The following SPOCK1 variants were observed in gnomAD, a reference collection of about 807,000 sequenced individuals.
The protein encoded by SPOCK1 is SPARC (osteonectin), cwcv and kazal like domains proteoglycan 1.
In SPOCK1, 23 loss-of-function variants were observed where a neutral mutation model predicts 55.3. The observed-to-expected ratio is 0.42, with a 90% CI of 0.30 to 0.59. The LOEUF is 0.59. SPOCK1 is among the 20% of genes least tolerant of loss of function. SPOCK1 has a pLI of 0.22. For missense variants in SPOCK1, 499 were observed against 552.5 expected (o/e 0.90, Z 0.97); for synonymous variants, 226 against 221.0 (o/e 1.02, Z -0.20).
intron 6 of SPOCK1, among the ~76,000 whole-genome samples, chr5:137,038,927 C>T (rs1751935664): frequency 6.6e-6 from 1 of 152,062 alleles, no homozygotes; most frequent in African/African-American, 2.4e-5. Context: ...TAGTAGGAAA[C>T]AAAAACGGTT....
chr5:137,157,731 C>G (rs1347732686), intron 3 of SPOCK1, among the ~76,000 whole-genome samples: 1 of 152,172 alleles, frequency 6.6e-6, no homozygotes, highest in Non-Finnish European at 1.5e-5. Flanking sequence ...AGGTTGGTCA[C>G]TAGGATTCTG....
chr5:137,214,623 T>C (rs931328656), intron 3 of SPOCK1, among the ~76,000 whole-genome samples: 6 of 152,082 alleles, frequency 3.9e-5, no homozygotes, highest in African/African-American at 1.4e-4. Context: ...TTGGGATAAA[T>C]AATAAGACAA....
At chr5:137,146,494 C>G (rs113921135) in intron 3 of SPOCK1, among the ~76,000 whole-genome samples, 6 of 152,164 alleles carry the variant, frequency 3.9e-5, no homozygotes, top group Middle Eastern at 3.4e-3. Flanking sequence ...CCAAGGTTCA[C>G]GTGAAGAGCA....
intron 2 of SPOCK1, among the ~76,000 whole-genome samples, chr5:137,277,750 A>C (rs1304934908): frequency 6.6e-6 from 1 of 152,198 alleles, no homozygotes; most frequent in African/African-American, 2.4e-5. Flanking sequence ...GTCTGCCCCA[A>C]GAAAGCAGGC....
chr5:137,199,058 G>A (rs185974244), intron 3 of SPOCK1, among the ~76,000 whole-genome samples: 2 of 152,282 alleles, frequency 1.3e-5, no homozygotes, highest in Non-Finnish European at 2.9e-5. Flanking sequence ...ATGACTTGTG[G>A]ATTCTAGTTC....
In SPOCK1 at chr5:137,067,959, A is replaced by G. The variant is rs187729755; in HGVS notation, c.475-130T>C. On this transcript the variant is annotated intron_variant, in intron 5 of 10. Transcript: ENST00000394945. ...AAGCAGGGAGAGGTCGACCTCAGGT[A>G]GAGGTCTCAATTACAGAATACTAAA... 1,668 of 667,326 alleles carry G rather than the reference A, an allele frequency of 2.5e-3. 41 individuals carry two copies. The highest frequency in any genetic ancestry group is 3.3e-3 in the Middle Eastern group (13 of 3,980). The allele number at this position is 667,326 out of a possible 1,614,324, so 41.3% of individuals were successfully genotyped here.
At chr5:137,387,444 G>A (rs1751619302) in intron 2 of SPOCK1, among the ~76,000 whole-genome samples, 3 of 152,122 alleles carry the variant, frequency 2.0e-5, no homozygotes, top group African/African-American at 7.2e-5. Flanking sequence ...CAGACAATGG[G>A]ATATTTTTCA....
Position 137,498,401 on chromosome 5 carries a change from C to G in SPOCK1, c.158G>C (p.Arg53Pro). The change falls in exon 2 of 11, where the codon CGG (arginine) becomes CCG (proline). Residue 53 changes from arginine to proline, a missense_variant. Coordinates refer to ENST00000394945, the MANE Select transcript of SPOCK1 (RefSeq NM_004598.4). Reference protein sequence around the residue: ...QWLSTVSQYDRDKYWNRFRDD... With the variant: ...QWLSTVSQYDPDKYWNRFRDD... ...TCGAAAGCGGTTCCAGTACTTGTCC[C>G]GGTCGTACTGGGAGACGGTGCTCAG... 6.2e-7 allele frequency: 1 copy of G among 1,606,494 alleles called. No individual in the cohort carries two copies. The highest frequency in any genetic ancestry group is 1.1e-5 in the South Asian group (1 of 90,000).
chr5:137,258,293 C>T (rs1024688857), intron 3 of SPOCK1, among the ~76,000 whole-genome samples: 6 of 152,196 alleles, frequency 3.9e-5, no homozygotes, highest in East Asian at 3.9e-4. Context: ...TCCACTATAC[C>T]GCATTGCCTT....
chr5:137,301,663 T>A (rs571071534), intron 2 of SPOCK1, among the ~76,000 whole-genome samples: 1 of 144,832 alleles, frequency 6.9e-6, no homozygotes, highest in South Asian at 2.2e-4. Context: ...TTTGAGTATG[T>A]TCTCATTTTG....
intron 3 of SPOCK1, among the ~76,000 whole-genome samples, chr5:137,263,299 T>C (rs544500082): frequency 6.6e-6 from 1 of 152,216 alleles, no homozygotes; most frequent in East Asian, 1.9e-4. Flanking sequence ...GAGATGAGGG[T>C]ATATGTGTGT....
chr5:137,466,874 C>T (rs115616482), intron 2 of SPOCK1, among the ~76,000 whole-genome samples: 1 of 152,316 alleles, frequency 6.6e-6, no homozygotes, highest in African/African-American at 2.4e-5. Flanking sequence ...GGAATATGAG[C>T]ACAGTTTTGC....
intron 6 of SPOCK1, among the ~76,000 whole-genome samples, chr5:137,045,167 G>T (rs1268608692): frequency 1.3e-5 from 2 of 150,824 alleles, no homozygotes; most frequent in African/African-American, 4.9e-5. Context: ...CCAGTAATGG[G>T]ATGGCTGGGT....
chr5:137,337,680 A>G (rs1580873197), intron 2 of SPOCK1, among the ~76,000 whole-genome samples: 1 of 152,224 alleles, frequency 6.6e-6, no homozygotes, highest in Non-Finnish European at 1.5e-5. Context: ...AACTCTCTCC[A>G]TTTTTATAAC....
At chr5:137,109,750 T>C (rs975889152) in intron 5 of SPOCK1, among the ~76,000 whole-genome samples, 10 of 152,132 alleles carry the variant, frequency 6.6e-5, no homozygotes, top group African/African-American at 2.4e-4. Flanking sequence ...ATTTTCTCTA[T>C]CTGGAACATT....
chr5:137,158,365 T>A (rs1019280497), intron 3 of SPOCK1, among the ~76,000 whole-genome samples: 27 of 152,330 alleles, frequency 1.8e-4, no homozygotes, highest in African/African-American at 6.0e-4. Flanking sequence ...GAGCTTTGGA[T>A]AACCTTCCTG....
At chr5:137,371,240 C>T (rs1454355932) in intron 2 of SPOCK1, among the ~76,000 whole-genome samples, 1 of 152,234 alleles carries the variant, frequency 6.6e-6, no homozygotes, top group East Asian at 1.9e-4. Flanking sequence ...AGCTCCCTCA[C>T]GTCCTGGCTG....
At chr5:137,043,463 CAA>C (rs2126993061) in intron 6 of SPOCK1, among the ~76,000 whole-genome samples, 1 of 152,154 alleles carries the variant, frequency 6.6e-6, no homozygotes, top group South Asian at 2.1e-4. Context: ...TAACTTCTTC[CAA>C]AGAGTATGGT....
At chr5:137,010,375 C>G (rs1751328411) in intron 6 of SPOCK1, among the ~76,000 whole-genome samples, 1 of 151,832 alleles carries the variant, frequency 6.6e-6, no homozygotes, top group Non-Finnish European at 1.5e-5. Flanking sequence ...AGAGATAGAG[C>G]CACCATGGAG....
Sources: gnomAD v4.1 joint callset for allele counts (sites outside exome capture counted in the v4.1 genomes callset) on GRCh38, gnomAD v4.1.1 for gene constraint, MANE v1.5 for transcripts, NCBI Gene and HGNC (gene_info 2026-07-23, HGNC 2026-07-21) for gene names.